ADAMTSL3: variants seen among roughly 807,000 people sequenced by gnomAD.
The protein encoded by ADAMTSL3 is ADAMTS-like protein 3.
In ADAMTSL3, 128 loss-of-function variants were observed where a neutral mutation model predicts 201.7. That is an observed-to-expected ratio of 0.63 (90% CI 0.55 to 0.73). The LOEUF (loss-of-function observed/expected upper bound fraction) is 0.73. Ranked by LOEUF, ADAMTSL3 falls within the 30% of genes least tolerant of loss-of-function variation. The probability of loss-of-function intolerance (pLI) is 0.00; values close to 1 mark genes in which losing one functional copy is unlikely to be tolerated. For missense variants in ADAMTSL3, 1,990 were observed against 2,119.6 expected, an observed-to-expected ratio of 0.94 and a Z score of 1.20; for synonymous variants, 738 against 748.4, an observed-to-expected ratio of 0.99 and a Z score of 0.23.
At chr15:83,835,886 G>C (rs1206597077) in intron 6 of ADAMTSL3, among the ~76,000 whole-genome samples, 1 of 152,184 alleles carries the variant, frequency 6.6e-6, no homozygotes, top group African/African-American at 2.4e-5. Context: ...TTCTGAGTCA[G>C]ATAACTTGGG....
chr15:83,867,782 G>A (rs567906552), intron 8 of ADAMTSL3, among the ~76,000 whole-genome samples: 49 of 152,282 alleles, frequency 3.2e-4, no homozygotes, highest in African/African-American at 1.2e-3. Flanking sequence ...CTTGGGGATG[G>A]TTACCATGAC....
At chr15:83,875,152 G>C (rs1016502497) in intron 9 of ADAMTSL3, among the ~76,000 whole-genome samples, 1 of 152,222 alleles carries the variant, frequency 6.6e-6, no homozygotes, top group African/African-American at 2.4e-5. Flanking sequence ...TGCTGAGAGA[G>C]CCGTCAGTTT....
chr15:83,670,879 C>G (rs1423053787), intron 2 of ADAMTSL3, among the ~76,000 whole-genome samples: 1 of 152,186 alleles, frequency 6.6e-6, no homozygotes, highest in Admixed American at 6.5e-5. Context: ...GCAGATACAA[C>G]TATAATTTCC....
intron 3 of ADAMTSL3, among the ~76,000 whole-genome samples, chr15:83,744,461 TA>T (rs892958094): frequency 1.4e-4 from 21 of 152,224 alleles, no homozygotes; most frequent in African/African-American, 5.1e-4. Context: ...AATTTTCTTT[TA>T]AAAAATTAAT....
intron 25 of ADAMTSL3, among the ~76,000 whole-genome samples, chr15:84,021,059 C>T (rs1049592961): frequency 6.6e-6 from 1 of 152,176 alleles, no homozygotes; most frequent in African/African-American, 2.4e-5. Context: ...AGAGGCCCTC[C>T]TCTCTTGTCC....
intron 8 of ADAMTSL3, 92 bp from the exon 9 acceptor site, chr15:83,870,710 A>G (rs2065063962): frequency 5.7e-6 from 6 of 1,061,552 alleles, no homozygotes; most frequent in Non-Finnish European, 6.6e-6. Context: ...TTGTTTTGAT[A>G]TCATATACTG....
chr15:83,908,943 G>A (rs1331712991), intron 15 of ADAMTSL3, among the ~76,000 whole-genome samples: 1 of 152,170 alleles, frequency 6.6e-6, no homozygotes, highest in Non-Finnish European at 1.5e-5. Context: ...GCAGAATTCA[G>A]TTCCATGCAT....
intron 22 of ADAMTSL3, among the ~76,000 whole-genome samples, chr15:83,989,896 C>G (rs966092559): frequency 6.6e-6 from 1 of 152,230 alleles, no homozygotes; most frequent in African/African-American, 2.4e-5. Flanking sequence ...GCAGACAGTT[C>G]TGCTCCACTT....
At chr15:83,801,046 AC>A (rs1200312301) in intron 4 of ADAMTSL3, among the ~76,000 whole-genome samples, 2 of 152,212 alleles carry the variant, frequency 1.3e-5, no homozygotes, top group East Asian at 3.9e-4. Context: ...ATTTTTTTCT[AC>A]CATCCTCCCA....
At chr15:84,004,271 G>A (rs948629657) in intron 23 of ADAMTSL3, among the ~76,000 whole-genome samples, 1 of 152,160 alleles carries the variant, frequency 6.6e-6, no homozygotes, top group Non-Finnish European at 1.5e-5. Flanking sequence ...CCCCAGCCCT[G>A]CCCTGAGAGA....
chr15:83,789,589 T>G (rs1299475786), intron 4 of ADAMTSL3, among the ~76,000 whole-genome samples: 1 of 152,166 alleles, frequency 6.6e-6, no homozygotes, highest in African/African-American at 2.4e-5. Flanking sequence ...TCTTTAGGTG[T>G]TCTATTTTGA....
At position 83,872,365 on chromosome 15, in the gene ADAMTSL3, T is replaced by C. The variant is rs149090251; in HGVS notation, c.960+1406T>C. Among the ~76,000 whole-genome samples, 975 of 152,260 alleles carry C rather than the reference T, an allele frequency of 6.4e-3. 2 individuals are homozygous for C. The highest frequency in any genetic ancestry group is 0.011 in the Non-Finnish European group (750 of 68,024). On this transcript the variant is annotated intron_variant, in intron 9 of 29. Transcript: ENST00000286744. ...TTGCCATTCATCCTGATCTGGGCAT[T>C]TATAGCATCTGCCTAGCCTCCACAG...
intron 3 of ADAMTSL3, among the ~76,000 whole-genome samples, chr15:83,711,004 AT>A (rs2061926033): frequency 6.6e-6 from 1 of 152,352 alleles, no homozygotes; most frequent in Admixed American, 6.5e-5. Flanking sequence ...GTTTGAATGA[AT>A]TTTTAATACT....
intron 6 of ADAMTSL3, among the ~76,000 whole-genome samples, chr15:83,820,307 A>G (rs1308467876): frequency 1.3e-5 from 2 of 152,068 alleles, no homozygotes; most frequent in African/African-American, 4.8e-5. Context: ...CAAACTCCTG[A>G]TCTCAGGTGA....
At chr15:83,720,907 AT>A (rs1344678275) in intron 3 of ADAMTSL3, among the ~76,000 whole-genome samples, 4 of 152,074 alleles carry the variant, frequency 2.6e-5, no homozygotes, top group Non-Finnish European at 4.4e-5. Context: ...TTTAAAGCAT[AT>A]TTTTTCTTAG....
Position 83,892,785 on chromosome 15 carries a change from T to C in ADAMTSL3, c.1364T>C (p.Leu455Ser). ...CVEESMHGEILQVEEWKCMYA... is the reference protein window; with the variant it reads ...CVEESMHGEISQVEEWKCMYA... ...GAGGAATCCATGCATGGAGAGATAT[T>C]GCAGGTGGAAGAATGGAAGTGCATG... The change falls in exon 13 of 30, where the codon TTG becomes TCG. Residue 455 changes from leucine to serine, a missense_variant. Physicochemically the swap from Leu to Ser is moderately radical, Grantham distance 145. Transcript: ENST00000286744. The C allele has an allele frequency of 6.2e-7, 1 of 1,614,088 alleles. No homozygotes were observed. The highest frequency in any genetic ancestry group is 8.5e-7 in the Non-Finnish European group (1 of 1,180,002).
intron 2 of ADAMTSL3, among the ~76,000 whole-genome samples, chr15:83,672,897 C>T (rs897364629): frequency 4.6e-5 from 7 of 152,174 alleles, no homozygotes; most frequent in South Asian, 2.1e-4. Flanking sequence ...GGAGGTAGAC[C>T]GGTGGCTTTG....
intron 28 of ADAMTSL3, among the ~76,000 whole-genome samples, chr15:84,035,319 G>A (rs2068485186): frequency 6.6e-6 from 1 of 152,176 alleles, no homozygotes; most frequent in African/African-American, 2.4e-5. Flanking sequence ...CCCAAAACTT[G>A]TGCACAATAA....
Position 83,655,845 on chromosome 15 carries a change from G to A in ADAMTSL3, c.69+15G>A. 6.2e-7 allele frequency: 1 copy of A among 1,611,168 alleles called. No individual in the cohort carries two copies. The highest frequency in any genetic ancestry group is 8.5e-7 in the Non-Finnish European group (1 of 1,177,966). On this transcript the variant is annotated intron_variant, in intron 2 of 29. Transcript: ENST00000286744. ...CCCTCCCGCAGGTAAGGTCATATAG[G>A]GAGGGGAAGGGAAATGGTGGACATC... is the stretch of plus-strand genomic sequence containing the variant.
Sources: allele counts gnomAD v4.1 joint callset (sites outside exome capture counted in the v4.1 genomes callset), GRCh38; gene constraint gnomAD v4.1.1; transcripts MANE v1.5; gene names NCBI Gene and HGNC (gene_info 2026-07-23, HGNC 2026-07-21).